Variants in CADM2 observed in about 807,000 individuals in gnomAD.
CADM2 encodes the protein immunoglobulin superfamily member 4D.
A neutral mutation model predicts 49.8 loss-of-function variants in CADM2; 12 were observed. The ratio of observed to expected loss-of-function variants is 0.24; its 90% confidence interval spans 0.15 to 0.39. The LOEUF is 0.39. CADM2 is among the 10% of genes least tolerant of loss of function. The pLI is 1.00. For synonymous variants in CADM2, 214 were observed against 175.4 expected (o/e 1.22, Z -1.74); for missense variants, 378 against 492.3 (o/e 0.77, Z 2.20).
chr3:85,491,875 C>G (rs1160604459), intron 1 of CADM2, among the ~76,000 whole-genome samples: 1 of 150,694 alleles, frequency 6.6e-6, no homozygotes, highest in South Asian at 2.1e-4. Context: ...TGGCGTGAAT[C>G]GGGCAGGCGG....
At chr3:85,799,268 C>A (rs1044760309) in intron 2 of CADM2, among the ~76,000 whole-genome samples, 6 of 152,282 alleles carry the variant, frequency 3.9e-5, no homozygotes, top group African/African-American at 1.2e-4. Flanking sequence ...TTATTTCTTT[C>A]TCTCGCCTGA....
At chr3:85,919,038 A>G (rs1459790331) in intron 6 of CADM2, among the ~76,000 whole-genome samples, 1 of 152,070 alleles carries the variant, frequency 6.6e-6, no homozygotes, top group Non-Finnish European at 1.5e-5. Context: ...GAAAAGTGCA[A>G]GAGACAGAAA....
chr3:85,732,743 A>G (rs564547774), intron 2 of CADM2, among the ~76,000 whole-genome samples: 63 of 152,214 alleles, frequency 4.1e-4, no homozygotes, highest in African/African-American at 1.2e-3. Context: ...TCCATACAAA[A>G]CCCTCTGAGA....
intron 3 of CADM2, among the ~76,000 whole-genome samples, chr3:85,812,097 C>G (rs1452852864): frequency 6.6e-6 from 1 of 151,924 alleles, no homozygotes; most frequent in East Asian, 1.9e-4. Flanking sequence ...TGGATTTTGG[C>G]ATCAAGTGTC....
intron 4 of CADM2, 22 bp downstream of exon 4, chr3:85,883,465 C>T (rs1188723473): frequency 1.9e-6 from 3 of 1,575,418 alleles, no homozygotes; most frequent in Non-Finnish European, 2.6e-6. Context: ...GGACTAACAC[C>T]ATGTAATCAC....
intron 1 of CADM2, among the ~76,000 whole-genome samples, chr3:85,413,274 A>G (rs1017631752): frequency 3.3e-5 from 5 of 151,676 alleles, no homozygotes; most frequent in Admixed American, 1.3e-4. Flanking sequence ...TATACATTAT[A>G]TAGGTACACA....
intron 1 of CADM2, among the ~76,000 whole-genome samples, chr3:85,607,323 C>T (rs943869229): frequency 3.9e-5 from 6 of 151,916 alleles, no homozygotes; most frequent in African/African-American, 1.5e-4. Context: ...CTTGTGTGCT[C>T]ATGAAGACAG....
chr3:85,909,606 A>T (rs913492226), intron 5 of CADM2, among the ~76,000 whole-genome samples: 9 of 151,964 alleles, frequency 5.9e-5, no homozygotes, highest in African/African-American at 1.9e-4. Context: ...AGACTCTCAG[A>T]CTCCACACTC....
At chr3:85,100,862 G>T (rs1043156842) in intron 1 of CADM2, among the ~76,000 whole-genome samples, 1 of 152,244 alleles carries the variant, frequency 6.6e-6, no homozygotes, top group Non-Finnish European at 1.5e-5. Flanking sequence ...GTGTAAAGTG[G>T]TTTTTAAACA....
At chr3:85,191,019 A>G (rs2107724443) in intron 1 of CADM2, among the ~76,000 whole-genome samples, 1 of 152,236 alleles carries the variant, frequency 6.6e-6, no homozygotes, top group East Asian at 1.9e-4. Context: ...TAAAAAAGGA[A>G]TGGGTGTAGT....
At chr3:85,502,040 TGA>T (rs1448599003) in intron 1 of CADM2, among the ~76,000 whole-genome samples, 5 of 152,034 alleles carry the variant, frequency 3.3e-5, no homozygotes, top group Non-Finnish European at 7.4e-5. Context: ...TACAAAAGAA[TGA>T]GAGAGTAGTG....
chr3:85,461,908 A>T (rs967428288), intron 1 of CADM2, among the ~76,000 whole-genome samples: 3 of 152,154 alleles, frequency 2.0e-5, no homozygotes, highest in African/African-American at 7.2e-5. Flanking sequence ...ATAGTCTCTA[A>T]TAAAAGTGTA....
intron 1 of CADM2, among the ~76,000 whole-genome samples, chr3:85,400,582 A>C (rs1031995918): frequency 2.0e-5 from 3 of 151,912 alleles, no homozygotes; most frequent in Admixed American, 6.6e-5. Flanking sequence ...CTGGTCCTGG[A>C]CTTTTTTTGG....
chr3:85,411,403 A>T (rs780750127), intron 1 of CADM2, among the ~76,000 whole-genome samples: 1 of 152,234 alleles, frequency 6.6e-6, no homozygotes, highest in Non-Finnish European at 1.5e-5. Flanking sequence ...TAGTGCTAGT[A>T]CCATTTTAAA....
chr3:86,008,972 G>T (rs1028908005), intron 8 of CADM2, among the ~76,000 whole-genome samples: 2 of 150,950 alleles, frequency 1.3e-5, no homozygotes, highest in Non-Finnish European at 3.0e-5. Context: ...TTATTATAAC[G>T]ATGCAGGGTA....
At chr3:85,263,362 A>G (rs1055870173) in intron 1 of CADM2, among the ~76,000 whole-genome samples, 2 of 152,144 alleles carry the variant, frequency 1.3e-5, no homozygotes, top group Non-Finnish European at 2.9e-5. Flanking sequence ...ACACATACAC[A>G]TATATAAAAC....
intron 1 of CADM2, among the ~76,000 whole-genome samples, chr3:85,096,295 A>T (rs1172852674): frequency 6.6e-6 from 1 of 152,122 alleles, no homozygotes; most frequent in Non-Finnish European, 1.5e-5. Flanking sequence ...AGAGCAGCAT[A>T]ACATTTCTGC....
intron 2 of CADM2, among the ~76,000 whole-genome samples, chr3:85,798,799 T>G (rs760961139): frequency 2.0e-5 from 3 of 152,202 alleles, no homozygotes; most frequent in African/African-American, 7.2e-5. Context: ...TTTTTCTAAT[T>G]CTGTGAAGCA....
chr3:85,224,495 A>G (rs913191749), intron 1 of CADM2, among the ~76,000 whole-genome samples: 2 of 152,058 alleles, frequency 1.3e-5, no homozygotes, highest in African/African-American at 4.8e-5. Flanking sequence ...TAGAGTCTGG[A>G]TATTAGCCCT....
Sources: allele counts gnomAD v4.1 joint callset (sites outside exome capture counted in the v4.1 genomes callset), GRCh38; gene constraint gnomAD v4.1.1; transcripts MANE v1.5; gene names NCBI Gene and HGNC (gene_info 2026-07-23, HGNC 2026-07-21).